TET2: variants seen among roughly 807,000 people sequenced by gnomAD.
TET2 encodes tet methylcytosine dioxygenase 2.
A neutral mutation model predicts 142.9 loss-of-function variants in TET2; 299 were observed. The observed-to-expected ratio is 2.09, with a 90% CI of 1.90 to 2.30. The LOEUF (loss-of-function observed/expected upper bound fraction) is 2.30. Among genes scored for constraint, TET2 ranks in the 30% most tolerant of loss-of-function variants. TET2 has a pLI of 0.00. For synonymous variants in TET2, 819 were observed against 849.0 expected (o/e 0.96, Z 0.61); for missense variants, 2,418 against 2,378.0 (o/e 1.02, Z -0.35).
chr4:105,233,792 A>G (rs1426084541), intron 2 of TET2, 105 bp from the exon 3 acceptor site: 1 of 635,492 alleles, frequency 1.6e-6, no homozygotes, highest in East Asian at 3.0e-5. Flanking sequence ...AGGTATTCCG[A>G]TATTTATCCA....
At chr4:105,209,556 A>G (rs187610644) in intron 2 of TET2, among the ~76,000 whole-genome samples, 1 of 152,256 alleles carries the variant, frequency 6.6e-6, no homozygotes, top group East Asian at 1.9e-4. Flanking sequence ...AACAGTACAT[A>G]TACCAAGTTG....
chr4:105,247,113 A>G (rs567969032), intron 6 of TET2, among the ~76,000 whole-genome samples: 1 of 152,342 alleles, frequency 6.6e-6, no homozygotes, highest in South Asian at 2.1e-4. Context: ...AAAGTGCAAT[A>G]TAATGAATTC....
intron 3 of TET2, chr4:105,237,727 A>G (rs1299184413): frequency 9.6e-6 from 12 of 1,245,314 alleles, no homozygotes; most frequent in Non-Finnish European, 1.1e-5. Flanking sequence ...AATAACGACC[A>G]TAGGCAGTCT....
intron 2 of TET2, among the ~76,000 whole-genome samples, chr4:105,221,986 T>C (rs910581042): frequency 1.3e-5 from 2 of 148,600 alleles, no homozygotes; most frequent in African/African-American, 5.0e-5. Context: ...GTTCTTGTGA[T>C]AGTTTACTGA....
chr4:105,162,288 C>G (rs928786130), intron 1 of TET2, among the ~76,000 whole-genome samples: 1 of 152,114 alleles, frequency 6.6e-6, no homozygotes, highest in Admixed American at 6.5e-5. Context: ...ACACACAGCT[C>G]CAGAATTCTG....
At chr4:105,242,138 G>A in intron 4 of TET2, 1 of 1,156,612 alleles carries the variant, frequency 8.6e-7, no homozygotes, top group Non-Finnish European at 1.1e-6. Context: ...GATACATTGG[G>A]GCAGCTAGGA....
chr4:105,166,778 AC>A (rs1724175486), intron 1 of TET2, among the ~76,000 whole-genome samples: 1 of 152,066 alleles, frequency 6.6e-6, no homozygotes, highest in Non-Finnish European at 1.5e-5. Flanking sequence ...GTACGTTGTT[AC>A]CCTTCATCTA....
chr4:105,243,803 C>T (rs2110256329), intron 6 of TET2, 25 bp downstream of exon 6: 2 of 1,543,546 alleles, frequency 1.3e-6, no homozygotes, highest in East Asian at 2.4e-5. Flanking sequence ...GGGCCTCTCC[C>T]CTCTTTGCGG....
chr4:105,271,469 A>G (rs528317467), intron 9 of TET2, among the ~76,000 whole-genome samples: 1 of 152,346 alleles, frequency 6.6e-6, no homozygotes, highest in East Asian at 1.9e-4. Context: ...CTGATAGAGC[A>G]TGGGTTCTGT....
chr4:105,264,726 T>C (rs1446662965), intron 8 of TET2, among the ~76,000 whole-genome samples: 2 of 152,158 alleles, frequency 1.3e-5, no homozygotes, highest in East Asian at 3.8e-4. Context: ...TATTCATCCA[T>C]GTATGTTAAT....
At position 105,236,403 on chromosome 4, in the gene TET2, C is replaced by CA; in HGVS notation, c.2462dup (p.Thr822AspfsTer24). The stretch of plus-strand genomic sequence containing the variant: ...AAATCGTAGAAATTCCCCTTATAGT[C>CA]AGACCATGAAATCAAGTGCATGCAA... On this transcript the variant is annotated frameshift_variant, in exon 3 of 11. Transcript: ENST00000380013. LOFTEE classifies it high-confidence loss of function. The CA allele has an allele frequency of 6.2e-7, 1 of 1,614,014 alleles. No individual in the cohort carries two copies. Among genetic ancestry groups the CA allele is most frequent in the Non-Finnish European group, 8.5e-7 (1 of 1,179,988 alleles).
At chr4:105,244,831 G>GCC (rs1729508534) in intron 6 of TET2, among the ~76,000 whole-genome samples, 2 of 152,122 alleles carry the variant, frequency 1.3e-5, no homozygotes, top group African/African-American at 4.8e-5. Context: ...CCGACCTCAG[G>GCC]TGATTGCCCA....
chr4:105,266,593 A>G (rs1452728824), intron 8 of TET2, among the ~76,000 whole-genome samples: 2 of 152,136 alleles, frequency 1.3e-5, no homozygotes, highest in Non-Finnish European at 2.9e-5. Flanking sequence ...ATCAGAAGAT[A>G]TTAAAATACC....
At chr4:105,237,871 T>C in intron 3 of TET2, 1 of 1,056,504 alleles carries the variant, frequency 9.5e-7, no homozygotes. Context: ...CTCTTAGTGC[T>C]CCTAAAGTTT....
chr4:105,274,003 A>G (rs1036949538), intron 10 of TET2, among the ~76,000 whole-genome samples: 1 of 152,240 alleles, frequency 6.6e-6, no homozygotes, highest in African/African-American at 2.4e-5. Context: ...TTGCTGCTTC[A>G]TGAAGTCAAA....
intron 9 of TET2, among the ~76,000 whole-genome samples, chr4:105,270,616 G>A (rs1730904797): frequency 6.6e-6 from 1 of 152,006 alleles, no homozygotes; most frequent in African/African-American, 2.4e-5. Flanking sequence ...ATATTACAGT[G>A]GGTAAAATGG....
chr4:105,155,576 C>T (rs1723525000), intron 1 of TET2, among the ~76,000 whole-genome samples: 1 of 152,166 alleles, frequency 6.6e-6, no homozygotes, highest in Non-Finnish European at 1.5e-5. Flanking sequence ...GAATTTCTAA[C>T]CTTATGTAAT....
chr4:105,157,705 C>T (rs1432856774), intron 1 of TET2, among the ~76,000 whole-genome samples: 2 of 152,032 alleles, frequency 1.3e-5, no homozygotes, highest in African/African-American at 4.8e-5. Context: ...TTGGTAGAGT[C>T]TCACTCTCTT....
At position 105,241,645 on chromosome 4, in the gene TET2, C is replaced by T. The variant is rs1160611425; in HGVS notation, c.3500+216C>T. ...ATAGTCTGCTAGCTGGCACAGGCTG[C>T]CCACTTTGCGATGGATGCCAGAAAA... On this transcript the variant is annotated intron_variant, in intron 4 of 10. Transcript: ENST00000380013. 5 of 1,281,556 alleles carry T rather than the reference C, an allele frequency of 3.9e-6. No individual in the cohort carries two copies. In the East Asian group the frequency reaches 9.1e-5, roughly 23 times the overall value. The allele number at this position is 1,281,556 out of a possible 1,614,324, so 79.4% of individuals were successfully genotyped here. A position where few individuals can be genotyped will look rare whatever the true frequency, so the allele number is the denominator to read the frequency against.
Sources: gnomAD v4.1 joint callset for allele counts (sites outside exome capture counted in the v4.1 genomes callset) on GRCh38, gnomAD v4.1.1 for gene constraint, MANE v1.5 for transcripts, NCBI Gene and HGNC (gene_info 2026-07-23, HGNC 2026-07-21) for gene names.